Variants in TPRG1 observed in about 807,000 individuals in gnomAD.
The protein encoded by TPRG1 is tumor protein p63-regulated gene 1 protein.
A neutral mutation model predicts 29.3 loss-of-function variants in TPRG1; 29 were observed. The observed-to-expected ratio is 0.99, with a 90% confidence interval of 0.74 to 1.35. The LOEUF (loss-of-function observed/expected upper bound fraction) is 1.35, where lower values mean the gene tolerates loss of function less well. Ranked by LOEUF, TPRG1 falls within the 40% of genes most tolerant of loss-of-function variation. The probability of loss-of-function intolerance (pLI) is 0.00; values close to 1 mark genes in which losing one functional copy is unlikely to be tolerated. For synonymous variants in TPRG1, 130 were observed against 116.8 expected (o/e 1.11, Z -0.73); for missense variants, 327 against 335.0 (o/e 0.98, Z 0.19).
chr3:189,059,336 T>C (rs1294538135), intron 4 of TPRG1, among the ~76,000 whole-genome samples: 1 of 152,216 alleles, frequency 6.6e-6, no homozygotes, highest in Non-Finnish European at 1.5e-5. Flanking sequence ...CTCATGCCTG[T>C]AATCCCAGCA....
At chr3:189,193,448 A>G (rs1732029907) in intron 1 of TPRG1, among the ~76,000 whole-genome samples, 3 of 151,976 alleles carry the variant, frequency 2.0e-5, no homozygotes, top group African/African-American at 4.8e-5. Context: ...TTAAATATGC[A>G]TATCTCTCCC....
intron 5 of TPRG1, among the ~76,000 whole-genome samples, chr3:189,166,059 A>C (rs1728131242): frequency 6.6e-6 from 1 of 152,218 alleles, no homozygotes; most frequent in Non-Finnish European, 1.5e-5. Flanking sequence ...CAACATAATA[A>C]AGATGAAAAT....
chr3:189,031,750 G>A (rs747466019), intron 4 of TPRG1, among the ~76,000 whole-genome samples: 7 of 152,160 alleles, frequency 4.6e-5, no homozygotes, highest in Non-Finnish European at 8.8e-5. Context: ...GGAAATATCA[G>A]GCAACCTTTA....
intron 3 of TPRG1, among the ~76,000 whole-genome samples, chr3:189,223,259 C>T (rs1275372983): frequency 6.6e-6 from 1 of 152,176 alleles, no homozygotes; most frequent in Non-Finnish European, 1.5e-5. Context: ...TGTCCTGCCT[C>T]CGTGTCCATG....
intron 4 of TPRG1, among the ~76,000 whole-genome samples, chr3:189,290,974 C>G (rs1192474406): frequency 6.6e-6 from 1 of 152,152 alleles, no homozygotes; most frequent in Non-Finnish European, 1.5e-5. Context: ...CCGATCTCCA[C>G]TCACTGCAAG....
chr3:189,188,836 A>G (rs1731297378), intron 1 of TPRG1, among the ~76,000 whole-genome samples: 2 of 152,168 alleles, frequency 1.3e-5, no homozygotes, highest in Admixed American at 1.3e-4. Flanking sequence ...CAGCCTTTGC[A>G]TATCAGTGGG....
chr3:189,209,475 GTGT>G (rs1257029197), intron 2 of TPRG1, among the ~76,000 whole-genome samples: 2 of 152,136 alleles, frequency 1.3e-5, no homozygotes, highest in Non-Finnish European at 2.9e-5. Context: ...GATTGTATTG[GTGT>G]TGTACCATGT....
intron 4 of TPRG1, among the ~76,000 whole-genome samples, chr3:189,294,212 C>G (rs889204629): frequency 1.3e-5 from 2 of 152,106 alleles, no homozygotes; most frequent in African/African-American, 4.8e-5. Context: ...GTTTAAATTT[C>G]TGGAGAATGA....
At chr3:189,297,710 C>T (rs1168496954) in intron 4 of TPRG1, among the ~76,000 whole-genome samples, 1 of 152,200 alleles carries the variant, frequency 6.6e-6, no homozygotes, top group Non-Finnish European at 1.5e-5. Context: ...GATGGCCCTA[C>T]CTCTGCTTGC....
At chr3:189,117,257 G>C (rs1302394299) in intron 1 of TPRG1, among the ~76,000 whole-genome samples, 1 of 152,194 alleles carries the variant, frequency 6.6e-6, no homozygotes, top group Non-Finnish European at 1.5e-5. Flanking sequence ...TTGGCCATGT[G>C]TTCATAACAA....
intron 4 of TPRG1, among the ~76,000 whole-genome samples, chr3:189,091,327 T>C (rs1369587606): frequency 6.6e-6 from 1 of 152,190 alleles, no homozygotes; most frequent in Non-Finnish European, 1.5e-5. Context: ...ATATCATTTG[T>C]ATATAATATC....
At chr3:189,075,476 C>G (rs1717108141) in intron 4 of TPRG1, among the ~76,000 whole-genome samples, 1 of 152,188 alleles carries the variant, frequency 6.6e-6, no homozygotes, top group African/African-American at 2.4e-5. Context: ...TCTTTCCTCA[C>G]TCTAGACTTC....
chr3:189,208,270 T>C (rs987720003), intron 2 of TPRG1, among the ~76,000 whole-genome samples: 3 of 152,340 alleles, frequency 2.0e-5, no homozygotes, highest in Admixed American at 6.5e-5. Flanking sequence ...CTCTTCTTCC[T>C]ACTTATAGAT....
At chr3:189,167,048 C>T (rs1390435977), upstream of TPRG1, among the ~76,000 whole-genome samples, 1 of 152,216 alleles carries the variant, frequency 6.6e-6, no homozygotes, top group Non-Finnish European at 1.5e-5. Context: ...TCAGCCCATT[C>T]TCTAATAGAA....
At chr3:189,033,756 T>G (rs1458242472) in intron 4 of TPRG1, among the ~76,000 whole-genome samples, 1 of 152,056 alleles carries the variant, frequency 6.6e-6, no homozygotes, top group East Asian at 1.9e-4. Flanking sequence ...TTTTGTATTT[T>G]TAGTAGTGAC....
intron 3 of TPRG1, among the ~76,000 whole-genome samples, chr3:189,138,909 G>GCCA (rs1306285512): frequency 2.6e-5 from 4 of 152,110 alleles, no homozygotes; most frequent in Admixed American, 2.6e-4. Context: ...GTGCCCTGTG[G>GCCA]CCACACTCCT....
chr3:189,160,715 T>C (rs1212410193), intron 5 of TPRG1, among the ~76,000 whole-genome samples: 2 of 152,232 alleles, frequency 1.3e-5, no homozygotes, highest in Admixed American at 6.5e-5. Context: ...GTTGGAATGC[T>C]GACCTTGCCC....
At chr3:189,074,137 A>C (rs1456622881) in intron 4 of TPRG1, among the ~76,000 whole-genome samples, 1 of 105,894 alleles carries the variant, frequency 9.4e-6, no homozygotes, top group African/African-American at 3.6e-5. Context: ...TTTGGTGTAG[A>C]TTTTTCTTTA....
chr3:189,179,121 A>G (rs1372851364), intron 1 of TPRG1, among the ~76,000 whole-genome samples: 1 of 152,210 alleles, frequency 6.6e-6, no homozygotes, highest in Non-Finnish European at 1.5e-5. Context: ...CAACTTACCA[A>G]CATCTATGAT....
Sources: allele counts gnomAD v4.1 joint callset (sites outside exome capture counted in the v4.1 genomes callset), GRCh38; gene constraint gnomAD v4.1.1; transcripts MANE v1.5; gene names NCBI Gene and HGNC (gene_info 2026-07-23, HGNC 2026-07-21).